The following FSIP1 variants were observed in gnomAD, a reference collection of about 807,000 sequenced individuals.
FSIP1 encodes fibrous sheath interacting protein 1.
A neutral mutation model predicts 60.9 loss-of-function variants in FSIP1; 65 were observed. The observed-to-expected ratio is 1.07, with a 90% CI of 0.87 to 1.31. FSIP1 has a LOEUF of 1.31. Among genes scored for constraint, FSIP1 ranks in the 40% most tolerant of loss-of-function variants. The pLI, the probability that FSIP1 is intolerant of heterozygous loss-of-function variation, is 0.00. For missense variants in FSIP1, 675 were observed against 665.5 expected, an observed-to-expected ratio of 1.01 and a Z score of -0.16; for synonymous variants, 209 against 221.2, an observed-to-expected ratio of 0.94 and a Z score of 0.49.
At chr15:39,619,903 A>T (rs931714475) in intron 10 of FSIP1, among the ~76,000 whole-genome samples, 2 of 152,118 alleles carry the variant, frequency 1.3e-5, no homozygotes, top group Admixed American at 1.3e-4. Context: ...GTCTCTAGGG[A>T]AAAAAGGGTA....
intron 10 of FSIP1, among the ~76,000 whole-genome samples, chr15:39,647,859 A>T (rs1195619409): frequency 1.3e-5 from 2 of 152,226 alleles, no homozygotes; most frequent in Admixed American, 1.3e-4. Context: ...ATTGGGAAAA[A>T]TACTGCATGA....
chr15:39,747,145 T>C (rs936502721), intron 5 of FSIP1, among the ~76,000 whole-genome samples: 1 of 152,112 alleles, frequency 6.6e-6, no homozygotes, highest in Non-Finnish European at 1.5e-5. Flanking sequence ...TTATAAACCA[T>C]AATCCTAACT....
At chr15:39,675,103 T>C (rs76584472) in intron 10 of FSIP1, among the ~76,000 whole-genome samples, 6,571 of 152,188 alleles carry the variant, frequency 0.043, 472 homozygotes, top group African/African-American at 0.15. Flanking sequence ...TTTGACCTCA[T>C]TAGTGATCAG....
chr15:39,734,605 A>T (rs537940716), intron 8 of FSIP1, among the ~76,000 whole-genome samples: 25 of 152,342 alleles, frequency 1.6e-4, no homozygotes, highest in African/African-American at 6.0e-4. Context: ...TTGAAAAGAA[A>T]ATACGCATTT....
intron 9 of FSIP1, among the ~76,000 whole-genome samples, chr15:39,713,883 C>A (rs1294485778): frequency 2.0e-5 from 3 of 152,198 alleles, no homozygotes; most frequent in Admixed American, 2.0e-4. Context: ...CTGATACTTA[C>A]CAGCTTGAGA....
intron 5 of FSIP1, among the ~76,000 whole-genome samples, chr15:39,742,689 G>A (rs1227454976): frequency 6.6e-6 from 1 of 152,118 alleles, no homozygotes. Flanking sequence ...CACCCTCTAT[G>A]AGCTGATACA....
intron 10 of FSIP1, among the ~76,000 whole-genome samples, chr15:39,659,537 T>G (rs1893208411): frequency 7.5e-6 from 1 of 132,978 alleles, no homozygotes; most frequent in Non-Finnish European, 1.6e-5. Flanking sequence ...GCAAGACTCC[T>G]CCTCAAAAAA....
chr15:39,636,587 AT>A (rs1892149861), intron 10 of FSIP1, among the ~76,000 whole-genome samples: 1 of 152,190 alleles, frequency 6.6e-6, no homozygotes, highest in African/African-American at 2.4e-5. Flanking sequence ...GCAAGGGTGG[AT>A]TGATGGACTT....
intron 5 of FSIP1, among the ~76,000 whole-genome samples, chr15:39,742,743 T>A (rs1896847761): frequency 6.6e-6 from 1 of 152,262 alleles, no homozygotes; most frequent in Non-Finnish European, 1.5e-5. Context: ...TCAACACACA[T>A]TCACCTAATT....
chr15:39,735,026 G>T, intron 8 of FSIP1, among the ~76,000 whole-genome samples: 1 of 152,180 alleles, frequency 6.6e-6, no homozygotes, highest in African/African-American at 2.4e-5. Context: ...AATGTATCAA[G>T]AAAATCTATC....
chr15:39,705,251 G>C (rs1342304130), intron 10 of FSIP1, among the ~76,000 whole-genome samples: 2 of 152,016 alleles, frequency 1.3e-5, no homozygotes, highest in Non-Finnish European at 2.9e-5. Flanking sequence ...ATTTGTGAAA[G>C]ATAGGATCAT....
chr15:39,755,642 C>G (rs138715886), intron 5 of FSIP1, among the ~76,000 whole-genome samples: 103 of 152,188 alleles, frequency 6.8e-4, no homozygotes, highest in African/African-American at 2.4e-3. Flanking sequence ...AAGAGACTAC[C>G]AGATTTTCTT....
At chr15:39,653,821 G>C (rs759822105) in intron 10 of FSIP1, among the ~76,000 whole-genome samples, 3 of 152,238 alleles carry the variant, frequency 2.0e-5, no homozygotes, top group African/African-American at 4.8e-5. Flanking sequence ...CCCCAGCCAT[G>C]TGGAACTGTA....
At chr15:39,767,042 G>C (rs1055101558) in intron 3 of FSIP1, among the ~76,000 whole-genome samples, 7 of 152,050 alleles carry the variant, frequency 4.6e-5, no homozygotes, top group African/African-American at 1.5e-4. Context: ...AGAGATGGGG[G>C]TCTCACTATG....
chr15:39,766,991 C>T (rs1897712793), intron 3 of FSIP1, among the ~76,000 whole-genome samples: 1 of 152,120 alleles, frequency 6.6e-6, no homozygotes, highest in Non-Finnish European at 1.5e-5. Context: ...ACTACAGGTG[C>T]ATGTCACCAT....
At chr15:39,717,979 A>G (rs541931663) in intron 9 of FSIP1, among the ~76,000 whole-genome samples, 20 of 152,236 alleles carry the variant, frequency 1.3e-4, no homozygotes, top group African/African-American at 4.3e-4. Context: ...CCCTTTGCCC[A>G]TGTCCTCTAT....
intron 10 of FSIP1, among the ~76,000 whole-genome samples, chr15:39,709,693 A>G (rs1895419228): frequency 6.6e-6 from 1 of 151,994 alleles, no homozygotes; most frequent in South Asian, 2.1e-4. Context: ...TTTTGGATGA[A>G]ACTGTCCCAC....
At chr15:39,655,149 C>G (rs888337672) in intron 10 of FSIP1, among the ~76,000 whole-genome samples, 1 of 152,122 alleles carries the variant, frequency 6.6e-6, no homozygotes, top group African/African-American at 2.4e-5. Context: ...CTGAAGTTTT[C>G]CCAGTATCTG....
At chr15:39,765,801 T>C (rs1340468923) in intron 3 of FSIP1, 55 bp from the exon 4 acceptor site, 2 of 1,017,028 alleles carry the variant, frequency 2.0e-6, no homozygotes, top group Non-Finnish European at 2.9e-6. Flanking sequence ...CTATAAAGTT[T>C]TGTTTTGTTC....
Sources: gnomAD v4.1 joint callset for allele counts (sites outside exome capture counted in the v4.1 genomes callset) on GRCh38, gnomAD v4.1.1 for gene constraint, MANE v1.5 for transcripts, NCBI Gene and HGNC (gene_info 2026-07-23, HGNC 2026-07-21) for gene names.